The following PRELID2 variants were observed in gnomAD, a reference collection of about 807,000 sequenced individuals.
PRELID2 encodes the protein PRELI domain containing 2.
In PRELID2, 25 loss-of-function variants were observed where a neutral mutation model predicts 28.4. The observed-to-expected ratio is 0.88, with a 90% CI of 0.64 to 1.23. PRELID2 has a LOEUF of 1.23. Ranked by LOEUF, PRELID2 falls within the 50% of genes most tolerant of loss-of-function variation. PRELID2 has a pLI of 0.00. For missense variants in PRELID2, 201 were observed against 214.4 expected (o/e 0.94, Z 0.39); for synonymous variants, 76 against 71.6 (o/e 1.06, Z -0.31).
intron 1 of PRELID2, among the ~76,000 whole-genome samples, chr5:145,640,828 TCAACAGAACAGAACAGATG>T (rs1187820193): frequency 6.6e-6 from 1 of 151,932 alleles, no homozygotes; most frequent in Non-Finnish European, 1.5e-5. Context: ...CAATAAACAA[TCAACAGAACAGAACAGATG>T]CAAACTCATA....
chr5:145,604,748 G>GTTTTTTTTTTTTGT (rs1753472114), intron 1 of PRELID2, among the ~76,000 whole-genome samples: 1 of 109,002 alleles, frequency 9.2e-6, no homozygotes, highest in African/African-American at 3.3e-5. Context: ...GTTTTTTTTG[G>GTTTTTTTTTTTTGT]TTTTTTTTTT....
chr5:145,762,314 C>T (rs943053656), intron 6 of PRELID2, among the ~76,000 whole-genome samples: 1 of 152,044 alleles, frequency 6.6e-6, no homozygotes, highest in African/African-American at 2.4e-5. Context: ...GACAAAAACA[C>T]AAACAAACAA....
chr5:145,703,050 G>A (rs1425372163), intron 1 of PRELID2, among the ~76,000 whole-genome samples: 1 of 152,156 alleles, frequency 6.6e-6, no homozygotes, highest in South Asian at 2.1e-4. Flanking sequence ...AGAAAGCTGG[G>A]TCCAAGTTGG....
intron 1 of PRELID2, among the ~76,000 whole-genome samples, chr5:145,828,386 G>A (rs1233266320): frequency 6.6e-6 from 1 of 152,196 alleles, no homozygotes; most frequent in Non-Finnish European, 1.5e-5. Flanking sequence ...TTACTGTGGT[G>A]TGGCATTAAA....
chr5:145,724,371 G>A (rs953060594), intron 1 of PRELID2, among the ~76,000 whole-genome samples: 68 of 151,150 alleles, frequency 4.5e-4, no homozygotes, highest in African/African-American at 1.6e-3. Flanking sequence ...GAATCCTGAG[G>A]GTCTGAGATA....
chr5:145,542,930 C>T (rs1752757228), intron 1 of PRELID2, among the ~76,000 whole-genome samples: 1 of 152,040 alleles, frequency 6.6e-6, no homozygotes, highest in Non-Finnish European at 1.5e-5. Flanking sequence ...TGGCCTGCAG[C>T]CCTACTCACC....
chr5:145,246,350 G>C, the PRELID2 span, among the ~76,000 whole-genome samples: 243 of 152,216 alleles, frequency 1.6e-3, 1 homozygote, highest in African/African-American at 5.7e-3. Context: ...GGATATAATA[G>C]TGAATCAAAA....
chr5:145,833,494 G>A (rs539979872), intron 1 of PRELID2, among the ~76,000 whole-genome samples: 1 of 152,292 alleles, frequency 6.6e-6, no homozygotes, highest in African/African-American at 2.4e-5. Context: ...GTCTACAACA[G>A]GTCTGTAAAT....
intron 1 of PRELID2, among the ~76,000 whole-genome samples, chr5:145,684,445 C>A (rs74964724): frequency 0.034 from 5,074 of 150,300 alleles, 233 homozygotes; most frequent in African/African-American, 0.097. Context: ...AGGAAAAAAA[C>A]CCCACTAAAA....
chr5:145,829,676 G>A (rs1027357383), intron 1 of PRELID2, among the ~76,000 whole-genome samples: 3 of 152,122 alleles, frequency 2.0e-5, no homozygotes, highest in Admixed American at 6.5e-5. Flanking sequence ...CAATGTCAGA[G>A]CCCACATTCT....
the PRELID2 span, among the ~76,000 whole-genome samples, chr5:145,355,254 T>G: frequency 6.6e-6 from 1 of 152,106 alleles, no homozygotes; most frequent in East Asian, 1.9e-4. Flanking sequence ...ACCATAGAAT[T>G]AACTGCAACA....
chr5:145,346,585 AT>A, the PRELID2 span, among the ~76,000 whole-genome samples: 2 of 152,144 alleles, frequency 1.3e-5, no homozygotes, highest in Admixed American at 1.3e-4. Flanking sequence ...TAAGAATAAG[AT>A]TTAGAAGGGC....
intron 1 of PRELID2, among the ~76,000 whole-genome samples, chr5:145,569,676 G>A (rs773410242): frequency 1.3e-5 from 2 of 152,212 alleles, no homozygotes; most frequent in Non-Finnish European, 2.9e-5. Context: ...GGTTAAGGGA[G>A]AAAGAAAGTA....
the PRELID2 span, among the ~76,000 whole-genome samples, chr5:145,296,172 G>T: frequency 5.3e-5 from 8 of 150,588 alleles, no homozygotes; most frequent in African/African-American, 2.0e-4. Context: ...GGTTTTTTTT[G>T]GTTTTTTTAT....
At chr5:145,290,098 C>A in the PRELID2 span, among the ~76,000 whole-genome samples, 2 of 152,154 alleles carry the variant, frequency 1.3e-5, no homozygotes, top group Admixed American at 1.3e-4. Flanking sequence ...AGTCAGGGAA[C>A]AACAGGTGCT....
rs1428322463 is a variant in PRELID2 at position 145,817,442 on chromosome 5, T to TC, written c.368+451_368+452insG. Among the ~76,000 whole-genome samples, 71 of 139,768 alleles carry TC rather than the reference T, an allele frequency of 5.1e-4. 1 individual carries two copies. Among genetic ancestry groups the TC allele is most frequent in the East Asian group, 1.8e-3 (9 of 4,924 alleles). The allele number at this position is 139,768 out of a possible 152,430, so 91.7% of individuals were successfully genotyped here. On this transcript the variant is annotated intron_variant, in intron 4 of 6. Transcript: ENST00000683046. Reference sequence around the variant, plus strand: ...AGTTTTATATATATATATATATATATATATATCACATGGTTTAAGCTCAGA... The same window carrying TC: ...AGTTTTATATATATATATATATATATCATATATCACATGGTTTAAGCTCAGA...
intron 1 of PRELID2, among the ~76,000 whole-genome samples, chr5:145,564,932 C>T (rs1046561878): frequency 6.0e-4 from 91 of 152,284 alleles, no homozygotes; most frequent in Middle Eastern, 3.4e-3. Context: ...CTGCGCTTCC[C>T]GGATGAAGTG....
intron 1 of PRELID2, among the ~76,000 whole-genome samples, chr5:145,542,160 A>G (rs909433689): frequency 3.9e-5 from 6 of 152,060 alleles, no homozygotes; most frequent in African/African-American, 1.2e-4. Flanking sequence ...CATGCCCTAA[A>G]TAGGCTGAGC....
chr5:145,508,298 T>A (rs199900538), intron 1 of PRELID2, among the ~76,000 whole-genome samples: 1 of 94,914 alleles, frequency 1.1e-5, no homozygotes, highest in Non-Finnish European at 2.2e-5. Flanking sequence ...ATAGATAGAT[T>A]AAAAAATGTA....
Sources: gnomAD v4.1 joint callset for allele counts (sites outside exome capture counted in the v4.1 genomes callset) on GRCh38, gnomAD v4.1.1 for gene constraint, MANE v1.5 for transcripts, NCBI Gene and HGNC (gene_info 2026-07-23, HGNC 2026-07-21) for gene names.